The following TAFA1 variants were observed in gnomAD, a reference collection of about 807,000 sequenced individuals.
TAFA1 encodes the protein chemokine-like protein TAFA-1.
TAFA1 carries 4 observed loss-of-function variants against 18.5 expected under a neutral mutation model. That is an observed-to-expected ratio of 0.22 (90% CI 0.11 to 0.49). The LOEUF is 0.49. Among genes scored for constraint, TAFA1 ranks in the 20% least tolerant of loss-of-function variants. The pLI is 0.98. For missense variants in TAFA1, 147 were observed against 169.0 expected (o/e 0.87, Z 0.72); for synonymous variants, 56 against 55.2 (o/e 1.01, Z -0.06).
At chr3:68,157,021 C>G (rs938995891) in intron 2 of TAFA1, among the ~76,000 whole-genome samples, 1 of 151,202 alleles carries the variant, frequency 6.6e-6, no homozygotes, top group African/African-American at 2.5e-5. Context: ...ACAATATTAA[C>G]AAACTTTTAT....
intron 2 of TAFA1, among the ~76,000 whole-genome samples, chr3:68,242,829 T>C (rs765490397): frequency 2.0e-5 from 3 of 152,174 alleles, no homozygotes; most frequent in Non-Finnish European, 4.4e-5. Flanking sequence ...TGTGTGTGTG[T>C]GTGCATTGGA....
intron 2 of TAFA1, among the ~76,000 whole-genome samples, chr3:68,088,468 C>G (rs1460093250): frequency 6.6e-6 from 1 of 152,196 alleles, no homozygotes; most frequent in African/African-American, 2.4e-5. Flanking sequence ...TAATTATTAG[C>G]TACTTGACCT....
At chr3:68,471,430 A>C (rs1471947126) in intron 3 of TAFA1, among the ~76,000 whole-genome samples, 1 of 152,154 alleles carries the variant, frequency 6.6e-6, no homozygotes, top group Non-Finnish European at 1.5e-5. Context: ...ACTCAACATC[A>C]GTCTGTGAAA....
At chr3:68,258,272 A>G (rs1201116637) in intron 2 of TAFA1, among the ~76,000 whole-genome samples, 1 of 152,174 alleles carries the variant, frequency 6.6e-6, no homozygotes, top group Non-Finnish European at 1.5e-5. Flanking sequence ...AATCTAAAAT[A>G]TTTCAAAACA....
chr3:68,143,934 G>C (rs1447315535), intron 2 of TAFA1, among the ~76,000 whole-genome samples: 2 of 151,726 alleles, frequency 1.3e-5, no homozygotes, highest in Non-Finnish European at 2.9e-5. Flanking sequence ...TGCCTGACAG[G>C]CAGCTGCATA....
At chr3:68,506,101 C>T (rs1324158695) in intron 3 of TAFA1, among the ~76,000 whole-genome samples, 1 of 151,990 alleles carries the variant, frequency 6.6e-6, no homozygotes, top group East Asian at 1.9e-4. Context: ...CATGTGTTCT[C>T]ATTTTTCAAC....
chr3:68,020,579 G>T (rs2090809863), intron 2 of TAFA1, among the ~76,000 whole-genome samples: 1 of 152,124 alleles, frequency 6.6e-6, no homozygotes. Context: ...TCAGAGCAAG[G>T]ATGGAACAGA....
At chr3:68,532,478 T>A (rs567295040) in intron 3 of TAFA1, among the ~76,000 whole-genome samples, 41 of 152,224 alleles carry the variant, frequency 2.7e-4, no homozygotes, top group Non-Finnish European at 5.9e-4. Context: ...CCCATTTGCA[T>A]CCACTCTTCA....
intron 2 of TAFA1, among the ~76,000 whole-genome samples, chr3:68,390,003 C>A (rs1422030738): frequency 1.3e-5 from 2 of 152,044 alleles, no homozygotes; most frequent in African/African-American, 4.8e-5. Context: ...ATGCCAGTGA[C>A]AACCGTTCAC....
chr3:68,052,217 CT>C (rs2064479325), intron 2 of TAFA1, among the ~76,000 whole-genome samples: 1 of 152,112 alleles, frequency 6.6e-6, no homozygotes, highest in South Asian at 2.1e-4. Flanking sequence ...ATGACCTCTT[CT>C]TTCTCTTATT....
intron 2 of TAFA1, among the ~76,000 whole-genome samples, chr3:68,306,619 G>A (rs1281874019): frequency 1.3e-5 from 2 of 152,122 alleles, no homozygotes; most frequent in East Asian, 3.8e-4. Flanking sequence ...TCCACCTCCT[G>A]GATGGATCTG....
At chr3:68,347,226 A>T (rs895434145) in intron 2 of TAFA1, among the ~76,000 whole-genome samples, 7 of 152,162 alleles carry the variant, frequency 4.6e-5, no homozygotes, top group Non-Finnish European at 8.8e-5. Context: ...CGCAAATACT[A>T]GTTGTCTGCT....
intron 2 of TAFA1, among the ~76,000 whole-genome samples, chr3:68,215,402 A>G (rs1464468396): frequency 6.6e-6 from 1 of 152,068 alleles, no homozygotes; most frequent in Non-Finnish European, 1.5e-5. Flanking sequence ...TAATTTCTGA[A>G]AAATGGAAGG....
intron 2 of TAFA1, among the ~76,000 whole-genome samples, chr3:68,399,210 A>G (rs1440114903): frequency 4.6e-5 from 7 of 152,178 alleles, no homozygotes; most frequent in Non-Finnish European, 1.0e-4. Context: ...TGATTATCTT[A>G]TGAAGAAGGT....
At chr3:68,354,924 A>G (rs1357010118) in intron 2 of TAFA1, among the ~76,000 whole-genome samples, 3 of 151,978 alleles carry the variant, frequency 2.0e-5, no homozygotes, top group Admixed American at 6.6e-5. Context: ...TCACCTCTCA[A>G]TACTGTTGTA....
intron 3 of TAFA1, among the ~76,000 whole-genome samples, chr3:68,469,471 G>T (rs1161699701): frequency 6.6e-6 from 1 of 152,094 alleles, no homozygotes; most frequent in South Asian, 2.1e-4. Flanking sequence ...TCAGGAGATC[G>T]AGACCATCCT....
At chr3:68,058,130 C>G (rs556343396) in intron 2 of TAFA1, among the ~76,000 whole-genome samples, 20 of 152,272 alleles carry the variant, frequency 1.3e-4, no homozygotes, top group Non-Finnish European at 2.2e-4. Flanking sequence ...TCTGCTGGAA[C>G]TATAGTATAG....
chr3:68,148,317 A>G (rs1009830046), intron 2 of TAFA1, among the ~76,000 whole-genome samples: 11 of 152,186 alleles, frequency 7.2e-5, no homozygotes, highest in African/African-American at 2.2e-4. Context: ...AGCCTTATGT[A>G]TTTAACCTCC....
At chr3:68,155,626 C>T (rs1400988722) in intron 2 of TAFA1, among the ~76,000 whole-genome samples, 1 of 152,002 alleles carries the variant, frequency 6.6e-6, no homozygotes, top group Non-Finnish European at 1.5e-5. Flanking sequence ...CTATGAGCGT[C>T]ATAGCCACCC....
Sources: gnomAD v4.1 joint callset for allele counts (sites outside exome capture counted in the v4.1 genomes callset) on GRCh38, gnomAD v4.1.1 for gene constraint, MANE v1.5 for transcripts, NCBI Gene and HGNC (gene_info 2026-07-23, HGNC 2026-07-21) for gene names.